The following SHISA9 variants were observed in gnomAD, a reference collection of about 807,000 sequenced individuals.
SHISA9 encodes the protein shisa family member 9.
In SHISA9, 13 loss-of-function variants were observed where a neutral mutation model predicts 38.0. The ratio of observed to expected loss-of-function variants is 0.34; its 90% CI spans 0.22 to 0.54. The LOEUF (loss-of-function observed/expected upper bound fraction) is 0.54, where lower values mean the gene tolerates loss of function less well. Ranked by LOEUF, SHISA9 falls within the 20% of genes least tolerant of loss-of-function variation. SHISA9 has a pLI of 0.91. For synonymous variants in SHISA9, 275 were observed against 242.0 expected (o/e 1.14, Z -1.27); for missense variants, 538 against 575.8 (o/e 0.93, Z 0.67).
At chr16:13,213,168 C>T (rs1390925157) in intron 3 of SHISA9, 85 bp from the exon 4 acceptor site, 1 of 1,261,940 alleles carries the variant, frequency 7.9e-7, no homozygotes, top group African/African-American at 1.5e-5. Context: ...GCAGGGGCAG[C>T]CAACAGCACC....
At chr16:13,074,216 C>A (rs904823633) in intron 2 of SHISA9, among the ~76,000 whole-genome samples, 1 of 151,918 alleles carries the variant, frequency 6.6e-6, no homozygotes, top group Non-Finnish European at 1.5e-5. Flanking sequence ...GTGATCCACC[C>A]CCCTCGGCCT....
intron 2 of SHISA9, among the ~76,000 whole-genome samples, chr16:13,127,731 C>T (rs1393240609): frequency 6.6e-6 from 1 of 152,116 alleles, no homozygotes; most frequent in Non-Finnish European, 1.5e-5. Flanking sequence ...AAGCCTCAGT[C>T]CCCTTGTCTG....
the SHISA9 span, among the ~76,000 whole-genome samples, chr16:13,334,988 C>A: frequency 6.6e-6 from 1 of 152,162 alleles, no homozygotes. Context: ...AAGGTAACTC[C>A]TACCTTTGGT....
chr16:12,970,391 A>ATACATATATG lies in SHISA9; in HGVS notation c.691+53578_691+53579insCATATATGTA, dbSNP rs1567356995. ...TATACATATATATATACATATATGT[A>ATACATATATG]TATATATATATACATATATATATAT... On this transcript the variant is annotated intron_variant, in intron 2 of 4. Transcript: ENST00000558583. 5.4e-3 allele frequency among the ~76,000 whole-genome samples: 51 copies of ATACATATATG among 9,382 alleles called. 1 individual carries two copies. Among genetic ancestry groups the ATACATATATG allele is most frequent in the Non-Finnish European group, 2.0e-3 (9 of 4,562 alleles). The allele number at this position is 9,382 out of a possible 152,430, so 6.2% of individuals were successfully genotyped here.
intron 2 of SHISA9, among the ~76,000 whole-genome samples, chr16:13,104,064 T>A (rs1014874803): frequency 2.6e-5 from 4 of 152,176 alleles, no homozygotes; most frequent in Admixed American, 6.6e-5. Flanking sequence ...TGGTTCTTGA[T>A]CCAACCTCAT....
intron 2 of SHISA9, among the ~76,000 whole-genome samples, chr16:13,069,133 A>G (rs1358952260): frequency 6.6e-6 from 1 of 151,332 alleles, no homozygotes; most frequent in Admixed American, 6.6e-5. Context: ...GTATATGCAC[A>G]TATGTGTACA....
At chr16:13,120,997 G>C (rs1020976258) in intron 2 of SHISA9, among the ~76,000 whole-genome samples, 2 of 151,842 alleles carry the variant, frequency 1.3e-5, no homozygotes, top group African/African-American at 4.8e-5. Flanking sequence ...CTATACTACA[G>C]TTCCCTGGCC....
At chr16:13,440,492 A>G in the SHISA9 span, among the ~76,000 whole-genome samples, 1 of 152,188 alleles carries the variant, frequency 6.6e-6, no homozygotes, top group Non-Finnish European at 1.5e-5. Context: ...CAGAGCAGAG[A>G]CATCCAGATT....
chr16:13,357,946 G>A, the SHISA9 span, among the ~76,000 whole-genome samples: 1 of 152,120 alleles, frequency 6.6e-6, no homozygotes, highest in Admixed American at 6.6e-5. Context: ...TTAAGGTGGG[G>A]CAGGGCATAT....
intron 2 of SHISA9, among the ~76,000 whole-genome samples, chr16:12,950,094 C>T (rs978756534): frequency 6.6e-6 from 1 of 152,168 alleles, no homozygotes; most frequent in African/African-American, 2.4e-5. Context: ...TTTTTCGTTC[C>T]TACATACAGG....
the SHISA9 span, among the ~76,000 whole-genome samples, chr16:13,524,853 C>G: frequency 1.3e-5 from 2 of 151,968 alleles, no homozygotes; most frequent in Non-Finnish European, 2.9e-5. Context: ...TTCTTTATTA[C>G]GCAGAGTTGT....
chr16:13,147,133 T>C (rs78889902), intron 2 of SHISA9, among the ~76,000 whole-genome samples: 3,092 of 152,310 alleles, frequency 0.02, 109 homozygotes, highest in African/African-American at 0.07. Context: ...TTGGCTGAGA[T>C]AGCATTGCCT....
At chr16:13,071,987 A>G (rs1422615068) in intron 2 of SHISA9, among the ~76,000 whole-genome samples, 3 of 152,150 alleles carry the variant, frequency 2.0e-5, no homozygotes, top group Non-Finnish European at 4.4e-5. Context: ...CAAATCGCCT[A>G]GGGCCTGCCC....
chr16:13,214,147 T>C (rs143251516), intron 4 of SHISA9, among the ~76,000 whole-genome samples: 1 of 152,318 alleles, frequency 6.6e-6, no homozygotes, highest in East Asian at 1.9e-4. Context: ...ATATGCTTTG[T>C]TGGACTTGGT....
the SHISA9 span, among the ~76,000 whole-genome samples, chr16:13,379,077 C>T: frequency 1.3e-5 from 2 of 149,776 alleles, no homozygotes; most frequent in African/African-American, 4.9e-5. Context: ...AAGCCCTACC[C>T]TCTAGGGACT....
the SHISA9 span, among the ~76,000 whole-genome samples, chr16:13,326,043 T>C: frequency 6.9e-6 from 1 of 145,918 alleles, no homozygotes; most frequent in Non-Finnish European, 1.5e-5. Flanking sequence ...GTTCTGCACA[T>C]GTATCCCAGA....
chr16:13,262,658 A>AGGGAGGG, the SHISA9 span, among the ~76,000 whole-genome samples: 5 of 51,864 alleles, frequency 9.6e-5, no homozygotes, highest in African/African-American at 3.8e-4. Context: ...GGAAGGAAGG[A>AGGGAGGG]AGGAAGGAAG....
chr16:13,236,743 G>A lies in SHISA9; in HGVS notation c.*1334G>A, dbSNP rs755353439. On this transcript the variant is annotated 3_prime_UTR_variant, in exon 5 of 5. Coordinates refer to ENST00000558583, the MANE Select transcript of SHISA9 (RefSeq NM_001145204.3). Reference sequence around the variant, plus strand: ...TACAATGTCAGGGGTACCCAAGAACGAAGACCTCCCTACTCTCTACACTAT... The same window carrying A: ...TACAATGTCAGGGGTACCCAAGAACAAAGACCTCCCTACTCTCTACACTAT... 2 of 152,002 alleles carry A rather than the reference G, an allele frequency of 1.3e-5. No homozygotes were observed. The highest frequency in any genetic ancestry group is 2.9e-5 in the Non-Finnish European group (2 of 68,010). 9.4% of individuals were successfully genotyped at this position (152,002 alleles called of 1,614,324 possible). A position where few individuals can be genotyped will look rare whatever the true frequency, so the allele number is the denominator to read the frequency against.
chr16:13,522,716 T>C, the SHISA9 span, among the ~76,000 whole-genome samples: 4 of 152,184 alleles, frequency 2.6e-5, no homozygotes, highest in Non-Finnish European at 5.9e-5. Context: ...GCCACAGCCA[T>C]CCCTTCCTTG....
Sources: gnomAD v4.1 joint callset for allele counts (sites outside exome capture counted in the v4.1 genomes callset) on GRCh38, gnomAD v4.1.1 for gene constraint, MANE v1.5 for transcripts, NCBI Gene and HGNC (gene_info 2026-07-23, HGNC 2026-07-21) for gene names.